Variants in CD207 observed in about 807,000 individuals in gnomAD.
The protein encoded by CD207 is CD207 molecule, also known as C-type lectin domain family 4 member K.
Under a neutral mutation model 31.6 loss-of-function variants are expected in CD207, and 28 were observed. The observed-to-expected ratio is 0.89, with a 90% confidence interval of 0.66 to 1.21. The LOEUF is 1.21. CD207 is among the 50% of genes most tolerant of loss of function. The pLI is 0.00. For missense variants in CD207, 388 were observed against 397.8 expected (o/e 0.98, Z 0.21); for synonymous variants, 168 against 153.9 (o/e 1.09, Z -0.68).
At chr2:70,832,864 C>A (rs188845217) in intron 4 of CD207, 36 bp downstream of exon 4, 1 of 1,583,552 alleles carries the variant, frequency 6.3e-7, no homozygotes, top group Non-Finnish European at 8.6e-7. Flanking sequence ...AGTGCTCATA[C>A]GCCCCCTTCA....
downstream of CD207, among the ~76,000 whole-genome samples, chr2:70,826,700 C>G (rs1677355345): frequency 6.6e-6 from 1 of 152,184 alleles, no homozygotes; most frequent in Non-Finnish European, 1.5e-5. Flanking sequence ...GCTGTAAGTG[C>G]TAGTTCTGCT....
downstream of CD207, among the ~76,000 whole-genome samples, chr2:70,829,213 C>T (rs1453121974): frequency 2.6e-5 from 4 of 152,228 alleles, no homozygotes; most frequent in African/African-American, 9.6e-5. Flanking sequence ...TTGTCACCTC[C>T]CATTTCCTCC....
downstream of CD207, among the ~76,000 whole-genome samples, chr2:70,828,312 G>A (rs1260375108): frequency 8.5e-5 from 13 of 152,226 alleles, no homozygotes; most frequent in Admixed American, 7.9e-4. Flanking sequence ...CATACAGTGG[G>A]GGAGGGAGCC....
In CD207 at chr2:70,831,044, G is replaced by A. The variant is rs370635955; in HGVS notation, c.*6C>T. The A allele has an allele frequency of 2.5e-6, 4 of 1,612,410 alleles. No homozygotes were observed. Among genetic ancestry groups the A allele is most frequent in the Admixed American group, 3.3e-5 (2 of 59,868 alleles). ...GCTCAAAGAGTGAGCTTGGGAGCCT[G>A]TCCTGTCACGGTTCTGATGGGACAT... On this transcript the variant is annotated 3_prime_UTR_variant, in exon 6 of 6. Transcript: ENST00000410009.
At chr2:70,826,567 CG>C (rs2104694153), downstream of CD207, among the ~76,000 whole-genome samples, 1 of 152,092 alleles carries the variant, frequency 6.6e-6, no homozygotes, top group East Asian at 1.9e-4. Context: ...TTTGTGGAGA[CG>C]GGGTCCCACT....
In CD207 at chr2:70,831,124, C is replaced by A; in HGVS notation, c.913G>T (p.Ala305Ser). The A allele has an allele frequency of 6.2e-7, 1 of 1,613,826 alleles. No individual in the cohort carries two copies. Among genetic ancestry groups the A allele is most frequent in the Non-Finnish European group, 8.5e-7 (1 of 1,179,802 alleles). Residue 305 changes from alanine to serine, a missense_variant, in exon 6 of 6, where the codon GCC becomes TCC. Coordinates refer to ENST00000410009, the MANE Select transcript of CD207 (RefSeq NM_015717.5). Reference protein sequence around the residue: ...CGNIKAPSLQAWNDAPCDKTF... With the variant: ...CGNIKAPSLQSWNDAPCDKTF... ...TTGTCACATGGGGCATCATTCCAGG[C>A]CTGAAGTGAGGGAGCCTTTATATTG...
At chr2:70,825,845 T>C (rs940214782), downstream of CD207, among the ~76,000 whole-genome samples, 2 of 152,090 alleles carry the variant, frequency 1.3e-5, no homozygotes, top group African/African-American at 4.8e-5. Context: ...TAAAAAGGTA[T>C]TTAAAAGATA....
chr2:70,834,646 G>A (rs1677562298), intron 2 of CD207, among the ~76,000 whole-genome samples: 1 of 152,218 alleles, frequency 6.6e-6, no homozygotes. Flanking sequence ...GTACCAGAGA[G>A]AGGATCAAAG....
downstream of CD207, among the ~76,000 whole-genome samples, chr2:70,825,714 T>C (rs1031547201): frequency 6.8e-6 from 1 of 148,070 alleles, no homozygotes. Context: ...AAGTTTTGTA[T>C]TTTTTTTTTA....
At chr2:70,827,688 C>T (rs1222706854), downstream of CD207, among the ~76,000 whole-genome samples, 4 of 151,694 alleles carry the variant, frequency 2.6e-5, no homozygotes, top group Non-Finnish European at 4.4e-5. Context: ...TCTTCCAAAG[C>T]ACTGGGAAAA....
In CD207 at chr2:70,833,801, A is replaced by G; in HGVS notation, c.410T>C (p.Ile137Thr). 1 of 1,613,988 alleles carries G rather than the reference A, an allele frequency of 6.2e-7. No homozygotes were observed. Among genetic ancestry groups the G allele is most frequent in the Non-Finnish European group, 8.5e-7 (1 of 1,179,868 alleles). ...KTSVEKANAQ[I>T]QILTRSWEEV... is the part of the protein sequence containing the mutation. Reference sequence around the variant, plus strand: ...TTCCCAACTTCTTGTTAAGATCTGGATCTGTGCGTTGGCCTTCTCCACACT... The same window carrying G: ...TTCCCAACTTCTTGTTAAGATCTGGGTCTGTGCGTTGGCCTTCTCCACACT... The change falls in exon 3 of 6, where the codon ATC becomes ACC. Residue 137 changes from isoleucine to threonine, a missense_variant. Transcript: ENST00000410009.
chr2:70,826,390 A>AAATGG (rs71245658), downstream of CD207, among the ~76,000 whole-genome samples: 2,723 of 151,586 alleles, frequency 0.018, 29 homozygotes, highest in Non-Finnish European at 0.026. Flanking sequence ...AAATTAAATT[A>AAATGG]AATTAAAACA....
At chr2:70,834,827 T>C (rs1380301945) in intron 2 of CD207, among the ~76,000 whole-genome samples, 5 of 152,100 alleles carry the variant, frequency 3.3e-5, no homozygotes, top group African/African-American at 1.2e-4. Flanking sequence ...GTCCCTTTGC[T>C]CTGCTTCCTG....
At chr2:70,832,658 TTCCTGCCCCA>T (rs1202364143) in intron 4 of CD207, among the ~76,000 whole-genome samples, 20 of 152,326 alleles carry the variant, frequency 1.3e-4, no homozygotes, top group African/African-American at 4.8e-4. Flanking sequence ...AAGTTCCCCT[TTCCTGCCCCA>T]GCAATTGTGG....
chr2:70,835,555 G>T lies in CD207; in HGVS notation c.126C>A (p.Val42=). 1 of 1,614,056 alleles carries T rather than the reference G, an allele frequency of 6.2e-7. No homozygotes were observed. The highest frequency in any genetic ancestry group is 8.5e-7 in the Non-Finnish European group (1 of 1,179,910). ...PSLVPGKTPT[V]RAALICLTLV... is the part of the protein sequence containing the mutation. ...GCGTCAGGCAGATTAATGCAGCACGGACTGTGGGTGTTTTCCCCGGGACCA... is the reference window on the plus strand; with the variant it reads ...GCGTCAGGCAGATTAATGCAGCACGTACTGTGGGTGTTTTCCCCGGGACCA... Residue 42 remains valine, a synonymous_variant, in exon 2 of 6, where the codon GTC becomes GTA. Transcript: ENST00000410009.
chr2:70,824,494 A>G, the CD207 span, among the ~76,000 whole-genome samples: 2 of 151,994 alleles, frequency 1.3e-5, no homozygotes, highest in East Asian at 3.9e-4. Context: ...GATTTCTAAC[A>G]CCATTCTCCA....
In CD207 at chr2:70,830,845, G is replaced by T; in HGVS notation, c.*205C>A. The T allele has an allele frequency of 5.6e-6, 3 of 531,092 alleles. No homozygotes were observed. Among genetic ancestry groups the T allele is most frequent in the Non-Finnish European group, 6.7e-6 (2 of 300,074 alleles). 32.9% of individuals were successfully genotyped at this position (531,092 alleles called of 1,614,324 possible). Reference sequence around the variant, plus strand: ...CTACCCACCCCTCCCACTTTAACCTGAATTCTCCTTTCCATTCCAGCTGCC... The same window carrying T: ...CTACCCACCCCTCCCACTTTAACCTTAATTCTCCTTTCCATTCCAGCTGCC... On this transcript the variant is annotated 3_prime_UTR_variant, in exon 6 of 6. Coordinates refer to ENST00000410009, the MANE Select transcript of CD207 (RefSeq NM_015717.5).
chr2:70,828,519 A>C (rs1677397214), downstream of CD207, among the ~76,000 whole-genome samples: 1 of 152,194 alleles, frequency 6.6e-6, no homozygotes, highest in Non-Finnish European at 1.5e-5. Flanking sequence ...GTCCCCATGC[A>C]CAGAAACCAG....
At chr2:70,824,314 A>T in the CD207 span, among the ~76,000 whole-genome samples, 1 of 144,546 alleles carries the variant, frequency 6.9e-6, no homozygotes, top group African/African-American at 2.5e-5. Flanking sequence ...TTCGTCTCCT[A>T]ACTGTTCTCC....
Sources: allele counts gnomAD v4.1 joint callset (sites outside exome capture counted in the v4.1 genomes callset), GRCh38; gene constraint gnomAD v4.1.1; transcripts MANE v1.5; gene names NCBI Gene and HGNC (gene_info 2026-07-23, HGNC 2026-07-21).